Variants in HSPA12A observed in about 807,000 individuals in gnomAD.
The protein encoded by HSPA12A is heat shock 70 kDa protein 12A.
A neutral mutation model predicts 69.2 loss-of-function variants in HSPA12A; 28 were observed. The observed-to-expected ratio is 0.40, with a 90% CI of 0.30 to 0.55. The LOEUF (loss-of-function observed/expected upper bound fraction) is 0.55, where lower values mean the gene tolerates loss of function less well. Ranked by LOEUF, HSPA12A falls within the 20% of genes least tolerant of loss-of-function variation. The pLI is 0.38. For missense variants in HSPA12A, 686 were observed against 900.7 expected (o/e 0.76, Z 3.05); for synonymous variants, 345 against 370.5 (o/e 0.93, Z 0.79).
intron 1 of HSPA12A, among the ~76,000 whole-genome samples, chr10:116,731,227 T>G (rs2133047289): frequency 6.6e-6 from 1 of 152,326 alleles, no homozygotes; most frequent in East Asian, 1.9e-4. Flanking sequence ...AAACGAATTT[T>G]GCTTGTGAGT....
rs111526003 is a variant in HSPA12A, at chr10:116,692,384, C to T, written c.630G>A (p.Pro210=). The change falls in exon 6 of 12, where the codon CCG becomes CCA. Residue 210 remains proline, a synonymous_variant. Transcript: ENST00000369209. ...CAGCTTGTCTCATGAACTGCTTGGC[C>T]GGCTGCTTCCAGATGGCAGGCACCG... The part of the protein sequence containing the change: ...VITVPAIWKQ[P]AKQFMRQAAY... 6.1e-3 allele frequency: 9,806 copies of T among 1,614,122 alleles called. 35 individuals are homozygous for T. The highest frequency in any genetic ancestry group is 7.2e-3 in the Non-Finnish European group (8,490 of 1,179,982).
At chr10:116,728,643 C>T (rs1383261837) in intron 1 of HSPA12A, among the ~76,000 whole-genome samples, 2 of 152,204 alleles carry the variant, frequency 1.3e-5, no homozygotes, top group Admixed American at 6.5e-5. Flanking sequence ...ACCTCAGAAT[C>T]CTTCTTAACA....
intron 1 of HSPA12A, among the ~76,000 whole-genome samples, chr10:116,714,876 T>C (rs1300599746): frequency 1.3e-5 from 2 of 152,222 alleles, no homozygotes; most frequent in African/African-American, 4.8e-5. Context: ...ATCCTGCTTC[T>C]ACAGCAGGCA....
intron 1 of HSPA12A, 26 bp downstream of exon 1, chr10:116,742,404 C>A (rs1554887318): frequency 2.8e-6 from 4 of 1,431,582 alleles, no homozygotes; most frequent in Non-Finnish European, 3.7e-6. Context: ...CCAGCCGCGG[C>A]CGCAGGACCC....
intron 2 of HSPA12A, among the ~76,000 whole-genome samples, chr10:116,820,928 G>A (rs1375390560): frequency 6.6e-6 from 1 of 151,996 alleles, no homozygotes; most frequent in African/African-American, 2.4e-5. Context: ...CCTTCAAAAT[G>A]CCAGCATCAT....
chr10:116,681,196 A>C lies in HSPA12A; in HGVS notation c.983T>G (p.Ile328Ser). The C allele has an allele frequency of 1.2e-6, 2 of 1,614,162 alleles. No homozygotes were observed. Among genetic ancestry groups the C allele is most frequent in the Non-Finnish European group, 1.7e-6 (2 of 1,180,008 alleles). The change falls in exon 9 of 12, where the codon ATC (isoleucine) becomes AGC (serine). Residue 328 changes from isoleucine to serine, a missense_variant. Physicochemically the swap from Ile to Ser is moderately radical, Grantham distance 142 (BLOSUM62 -2). Transcript: ENST00000369209. The part of the protein sequence containing the change: ...GGTVDLTVHQ[I>S]RLPEGHLKEL... ...CTTAAGGTGTCCCTCCGGTAACCGG[A>C]TCTGATGGACTGTCAGGTCTACGGT... is the stretch of plus-strand genomic sequence containing the variant.
chr10:116,757,748 G>A (rs983598041), intron 2 of HSPA12A, among the ~76,000 whole-genome samples: 1 of 152,152 alleles, frequency 6.6e-6, no homozygotes, highest in Non-Finnish European at 1.5e-5. Flanking sequence ...GGGATGTGAT[G>A]AAGATTAAAC....
intron 2 of HSPA12A, among the ~76,000 whole-genome samples, chr10:116,796,145 C>CAAAAAAAAAAAAA (rs10522145): frequency 3.1e-4 from 34 of 110,608 alleles, no homozygotes; most frequent in Non-Finnish European, 3.7e-4. Context: ...AAGACTCCAT[C>CAAAAAAAAAAAAA]AAAAAAAAAA....
upstream of HSPA12A, among the ~76,000 whole-genome samples, chr10:116,747,532 C>T (rs1296925108): frequency 3.9e-5 from 6 of 152,182 alleles, no homozygotes; most frequent in Admixed American, 6.5e-5. Context: ...GGCATGATCA[C>T]GTGACCAGGA....
intron 2 of HSPA12A, among the ~76,000 whole-genome samples, chr10:116,753,064 C>G (rs782289573): frequency 9.2e-5 from 14 of 152,218 alleles, no homozygotes; most frequent in Non-Finnish European, 1.9e-4. Flanking sequence ...CTCAGCCTTC[C>G]CTACTCAGCT....
At chr10:116,749,708 G>A (rs1333461309) in intron 2 of HSPA12A, among the ~76,000 whole-genome samples, 1 of 152,200 alleles carries the variant, frequency 6.6e-6, no homozygotes, top group Non-Finnish European at 1.5e-5. Flanking sequence ...TAGCGGCACT[G>A]AGGGGGAAAC....
At chr10:116,709,990 T>C (rs1375484195) in intron 1 of HSPA12A, among the ~76,000 whole-genome samples, 2 of 152,228 alleles carry the variant, frequency 1.3e-5, no homozygotes, top group Non-Finnish European at 2.9e-5. Flanking sequence ...CTAATTGCTC[T>C]TGAAAAGAGA....
intron 1 of HSPA12A, among the ~76,000 whole-genome samples, chr10:116,712,401 C>G (rs1411731814): frequency 2.0e-5 from 3 of 152,016 alleles, no homozygotes; most frequent in African/African-American, 7.3e-5. Flanking sequence ...AGTCTCCTGC[C>G]CCAGGATTTC....
In HSPA12A at chr10:116,686,517, G is replaced by T. The variant is rs1448813425; in HGVS notation, c.664-2555C>A. 6.6e-6 allele frequency among the ~76,000 whole-genome samples: 1 copy of T among 152,188 alleles called. No individual in the cohort carries two copies. Among genetic ancestry groups the T allele is most frequent in the Admixed American group, 6.5e-5 (1 of 15,282 alleles). ...GGGGATGGCAGTAGACCCATGAGTG[G>T]AGCCCAAGGAGTTGGTGTGAAGGAA... On this transcript the variant is annotated intron_variant, in intron 6 of 11. Coordinates refer to ENST00000369209, the MANE Select transcript of HSPA12A (RefSeq NM_025015.3). This position sits in a 1 kb window ranked among gnomAD's most constrained non-coding sequence, Gnocchi z 4.1.
chr10:116,807,752 G>A (rs113612971), intron 2 of HSPA12A, among the ~76,000 whole-genome samples: 32 of 152,324 alleles, frequency 2.1e-4, no homozygotes, highest in African/African-American at 7.2e-4. Flanking sequence ...CACTGCAGCC[G>A]TTCAGCCCCA....
At chr10:116,746,382 G>A (rs1197873798), upstream of HSPA12A, among the ~76,000 whole-genome samples, 1 of 152,232 alleles carries the variant, frequency 6.6e-6, no homozygotes, top group Non-Finnish European at 1.5e-5. Flanking sequence ...CCCCAGCTCA[G>A]AAGAAACTGA....
chr10:116,731,576 G>C (rs1264321322), intron 1 of HSPA12A, among the ~76,000 whole-genome samples: 1 of 152,126 alleles, frequency 6.6e-6, no homozygotes, highest in Non-Finnish European at 1.5e-5. Context: ...CTTTTACATG[G>C]GAGAAAGTAA....
intron 1 of HSPA12A, among the ~76,000 whole-genome samples, chr10:116,730,891 C>T (rs1554885627): frequency 6.6e-6 from 1 of 152,280 alleles, no homozygotes; most frequent in East Asian, 1.9e-4. Context: ...GAACCGGGCC[C>T]TCCTGGCTTT....
intron 2 of HSPA12A, among the ~76,000 whole-genome samples, chr10:116,807,675 G>T (rs951864305): frequency 1.3e-5 from 2 of 152,208 alleles, no homozygotes; most frequent in Non-Finnish European, 2.9e-5. Context: ...TTGGAAGTAA[G>T]TGAGGCTCAC....
Sources: allele counts gnomAD v4.1 joint callset (sites outside exome capture counted in the v4.1 genomes callset), GRCh38; gene constraint gnomAD v4.1.1; non-coding constraint Gnocchi (gnomAD v3.1); transcripts MANE v1.5; gene names NCBI Gene and HGNC (gene_info 2026-07-23, HGNC 2026-07-21).